Variants in KCNJ6 observed in about 807,000 individuals in gnomAD.
KCNJ6 encodes G protein-activated inward rectifier potassium channel 2.
Under a neutral mutation model 34.2 loss-of-function variants are expected in KCNJ6, and 9 were observed. The observed-to-expected ratio is 0.26, with a 90% confidence interval of 0.16 to 0.46. The LOEUF is 0.46. KCNJ6 is among the 20% of genes least tolerant of loss of function. KCNJ6 has a pLI of 1.00. For missense variants in KCNJ6, 236 were observed against 531.3 expected (o/e 0.44, Z 5.46); for synonymous variants, 196 against 207.1 (o/e 0.95, Z 0.46).
chr21:37,640,946 G>A (rs1338859195), intron 3 of KCNJ6, among the ~76,000 whole-genome samples: 1 of 152,184 alleles, frequency 6.6e-6, no homozygotes, highest in Non-Finnish European at 1.5e-5. Context: ...AAGGAAAGCA[G>A]AAGTAGAAGA....
chr21:37,828,371 C>T (rs2055408846), intron 2 of KCNJ6, among the ~76,000 whole-genome samples: 1 of 152,144 alleles, frequency 6.6e-6, no homozygotes, highest in Non-Finnish European at 1.5e-5. Context: ...AGTTTAATTC[C>T]CCGCAGCACT....
At chr21:37,776,899 A>C (rs1407863367) in intron 2 of KCNJ6, among the ~76,000 whole-genome samples, 1 of 152,058 alleles carries the variant, frequency 6.6e-6, no homozygotes, top group Admixed American at 6.6e-5. Context: ...TTTTCTATTG[A>C]TTGGAATAGT....
intron 3 of KCNJ6, among the ~76,000 whole-genome samples, chr21:37,656,048 G>A (rs2054462421): frequency 6.6e-6 from 1 of 152,160 alleles, no homozygotes; most frequent in Non-Finnish European, 1.5e-5. Context: ...GCATCACCAT[G>A]GTGCTGCCAG....
chr21:37,726,074 T>A (rs2054853015), intron 2 of KCNJ6, among the ~76,000 whole-genome samples: 1 of 152,060 alleles, frequency 6.6e-6, no homozygotes, highest in African/African-American at 2.4e-5. Flanking sequence ...CCTGGCTAAT[T>A]TTTGTATTTT....
At chr21:37,686,978 C>G (rs1315999958) in intron 3 of KCNJ6, among the ~76,000 whole-genome samples, 1 of 152,092 alleles carries the variant, frequency 6.6e-6, no homozygotes, top group Non-Finnish European at 1.5e-5. Context: ...TTCAGACTTG[C>G]AATACACATT....
chr21:37,724,047 G>C (rs574214563), intron 2 of KCNJ6, among the ~76,000 whole-genome samples: 1 of 152,200 alleles, frequency 6.6e-6, no homozygotes, highest in Admixed American at 6.5e-5. Context: ...TGTGCGTGGA[G>C]GAAATGAAGG....
At chr21:37,900,199 G>T (rs2055809779) in intron 1 of KCNJ6, among the ~76,000 whole-genome samples, 1 of 152,128 alleles carries the variant, frequency 6.6e-6, no homozygotes, top group East Asian at 1.9e-4. Context: ...TACTAAAAAG[G>T]CATTCTGATA....
At chr21:37,866,864 A>G (rs547415671) in intron 1 of KCNJ6, among the ~76,000 whole-genome samples, 1 of 152,354 alleles carries the variant, frequency 6.6e-6, no homozygotes, top group African/African-American at 2.4e-5. Context: ...TCTTCAATAC[A>G]AAACTACGCA....
chr21:37,747,957 C>T (rs560059953), intron 2 of KCNJ6, among the ~76,000 whole-genome samples: 2 of 152,190 alleles, frequency 1.3e-5, no homozygotes, highest in Admixed American at 1.3e-4. Flanking sequence ...TGCCTGGAGA[C>T]TGAGTCACAG....
rs570148196 is a variant in KCNJ6, at chr21:37,675,172, G to T, written c.946+39039C>A. On this transcript the variant is annotated intron_variant, in intron 3 of 3. Coordinates refer to ENST00000609713, the MANE Select transcript of KCNJ6 (RefSeq NM_002240.5). The surrounding 1 kb of genome is among the most constrained non-coding windows in gnomAD (Gnocchi z 4.2). ...TTTTATTTAATGTGATATTCCCAGCGTCTGGCAATGTAGCAGGGGCTCCGT... is the reference window on the plus strand; with the variant it reads ...TTTTATTTAATGTGATATTCCCAGCTTCTGGCAATGTAGCAGGGGCTCCGT... Among the ~76,000 whole-genome samples, 54 of 152,160 alleles carry T rather than the reference G, an allele frequency of 3.5e-4. 1 individual carries two copies. The highest frequency in any genetic ancestry group is 5.2e-4 in the Admixed American group (8 of 15,284).
chr21:37,807,494 G>A (rs968591490), intron 2 of KCNJ6, among the ~76,000 whole-genome samples: 2 of 152,186 alleles, frequency 1.3e-5, no homozygotes, highest in South Asian at 2.1e-4. Flanking sequence ...TGTCATTGAC[G>A]ATGGACGACA....
At chr21:37,911,054 G>C (rs191193697) in intron 1 of KCNJ6, among the ~76,000 whole-genome samples, 1 of 149,496 alleles carries the variant, frequency 6.7e-6, no homozygotes, top group Non-Finnish European at 1.5e-5. Flanking sequence ...TGATGAGACC[G>C]CTCTTTGAGG....
chr21:37,825,559 A>C (rs953836553), intron 2 of KCNJ6, among the ~76,000 whole-genome samples: 2 of 152,146 alleles, frequency 1.3e-5, no homozygotes, highest in African/African-American at 4.8e-5. Context: ...TCTTACTTAA[A>C]GTGTTCACCT....
intron 3 of KCNJ6, among the ~76,000 whole-genome samples, chr21:37,698,399 T>C (rs1433595315): frequency 1.3e-5 from 2 of 152,164 alleles, no homozygotes; most frequent in East Asian, 3.9e-4. Flanking sequence ...TGGCTGGGAG[T>C]GCGGGAGGGG....
intron 2 of KCNJ6, among the ~76,000 whole-genome samples, chr21:37,750,677 A>G (rs1200080354): frequency 6.6e-6 from 1 of 152,020 alleles, no homozygotes; most frequent in Non-Finnish European, 1.5e-5. Context: ...GAGTTGAACA[A>G]TGAGAACACA....
chr21:37,787,112 G>T (rs564138998), intron 2 of KCNJ6, among the ~76,000 whole-genome samples: 1 of 152,204 alleles, frequency 6.6e-6, no homozygotes, highest in Admixed American at 6.5e-5. Context: ...TCTGAATTCA[G>T]GCCAGCATCT....
At chr21:37,708,025 A>C (rs1036445886) in intron 3 of KCNJ6, among the ~76,000 whole-genome samples, 4 of 152,112 alleles carry the variant, frequency 2.6e-5, no homozygotes, top group Non-Finnish European at 4.4e-5. Context: ...TGAATTCCAC[A>C]TTGTATATAC....
At chr21:37,846,253 A>G (rs1055088402) in intron 1 of KCNJ6, among the ~76,000 whole-genome samples, 2 of 152,162 alleles carry the variant, frequency 1.3e-5, no homozygotes, top group African/African-American at 4.8e-5. Context: ...AGTCCATGCC[A>G]GCTACATACT....
intron 2 of KCNJ6, among the ~76,000 whole-genome samples, chr21:37,788,590 T>C (rs1476663642): frequency 6.6e-6 from 1 of 152,148 alleles, no homozygotes; most frequent in Non-Finnish European, 1.5e-5. Context: ...TGAGCTGACA[T>C]TGTGATTTTC....
Sources: gnomAD v4.1 joint callset for allele counts (sites outside exome capture counted in the v4.1 genomes callset) on GRCh38, gnomAD v4.1.1 for gene constraint, Gnocchi (gnomAD v3.1) non-coding constraint, MANE v1.5 for transcripts, NCBI Gene and HGNC (gene_info 2026-07-23, HGNC 2026-07-21) for gene names.